The following BEX3 variants were observed in gnomAD, a reference collection of about 807,000 sequenced individuals.
BEX3 encodes brain expressed X-linked 3.
Under a neutral mutation model 6.1 loss-of-function variants are expected in BEX3, and 1 was observed. That is an observed-to-expected ratio of 0.16 (90% CI 0.06 to 0.78). The LOEUF (loss-of-function observed/expected upper bound fraction) is 0.78, where lower values mean the gene tolerates loss of function less well. Among genes scored for constraint, BEX3 ranks in the 30% least tolerant of loss-of-function variants. The pLI is 0.75. For synonymous variants in BEX3, 33 were observed against 25.2 expected, an observed-to-expected ratio of 1.31 and a Z score of -0.93; for missense variants, 49 against 84.7, an observed-to-expected ratio of 0.58 and a Z score of 1.65.
Position 103,378,059 on chromosome X carries a change from C to A in BEX3, c.*232C>A. The A allele has an allele frequency of 2.8e-6, 1 of 351,825 alleles. No individual in the cohort carries two copies. 29.0% of individuals were successfully genotyped at this position (351,825 alleles called of 1,213,427 possible). ...ATGGAAAAATTTAAAGCTAATAAAG[C>A]AATTTAAAAAGCAATCTATACATTT... is the stretch of plus-strand genomic sequence containing the variant. On this transcript the variant is annotated 3_prime_UTR_variant, in exon 3 of 3. Coordinates refer to ENST00000361298, the MANE Select transcript of BEX3 (RefSeq NM_206917.3).
In BEX3 at chrX:103,377,772, T is replaced by C. The variant is rs1262652735; in HGVS notation, c.251T>C (p.Met84Thr). The C allele has an allele frequency of 2.5e-6, 3 of 1,208,981 alleles. No homozygotes were observed. Among genetic ancestry groups the C allele is most frequent in the Non-Finnish European group, 3.4e-6 (3 of 894,686 alleles). The part of the protein sequence containing the change: ...LQLRNCLRIL[M>T]GELSNHHDHH... ...TTGAGGAATTGTCTGCGTATCCTTA[T>C]GGGGGAGCTCTCTAATCACCATGAC... The change falls in exon 3 of 3, where the codon ATG becomes ACG. Residue 84 changes from methionine to threonine, a missense_variant. Coordinates refer to ENST00000361298, the MANE Select transcript of BEX3 (RefSeq NM_206917.3).
Position 103,377,983 on chromosome X carries a change from T to C in BEX3, c.*156T>C. ...GTGTTGCCAGCTTCTATTTGAAGAT[T>C]GCCTTTGCACTCAGTGTAAGTTTCT... On this transcript the variant is annotated 3_prime_UTR_variant, in exon 3 of 3. Transcript: ENST00000361298. 2.2e-6 allele frequency: 1 copy of C among 459,035 alleles called. No homozygotes were observed. Among genetic ancestry groups the C allele is most frequent in the Non-Finnish European group, 3.7e-6 (1 of 267,084 alleles). 37.8% of individuals were successfully genotyped at this position (459,035 alleles called of 1,213,427 possible). A position where few individuals can be genotyped will look rare whatever the true frequency, so the allele number is the denominator to read the frequency against.
In BEX3 at chrX:103,377,521, G is replaced by T. The variant is rs767550953; in HGVS notation, c.-1G>T. ...CAAATATTCACCAGGAAAACGAAGA[G>T]ATGGAGCAGCCTATGCAGAATGGAG... On this transcript the variant is annotated 5_prime_UTR_variant, in exon 3 of 3. Coordinates refer to ENST00000361298, the MANE Select transcript of BEX3 (RefSeq NM_206917.3). 8.3e-7 allele frequency: 1 copy of T among 1,203,385 alleles called. No homozygotes were observed. The highest frequency in any genetic ancestry group is 2.3e-5 in the Admixed American group (1 of 44,094).
intron 2 of BEX3, among the ~76,000 whole-genome samples, 154 bp downstream of exon 2, chrX:103,377,260 T>C (rs1349308029): frequency 9.5e-6 from 1 of 105,061 alleles, no homozygotes. Flanking sequence ...AAACGAAAAA[T>C]GGTGGGTTTG....
Position 103,378,104 on chromosome X carries a change from A to G in BEX3, c.*277A>G, listed in dbSNP as rs1354468583. The G allele has an allele frequency of 6.9e-6, 2 of 288,782 alleles. No homozygotes were observed. The highest frequency in any genetic ancestry group is 1.4e-4 in the South Asian group (1 of 7,146). The allele number at this position is 288,782 out of a possible 1,213,427, so 23.8% of individuals were successfully genotyped here. ...ACATTTATTGTCTCATTAAAAATGT[A>G]TACTTACATATAACAGATGAACTAA... On this transcript the variant is annotated 3_prime_UTR_variant, in exon 3 of 3. Transcript: ENST00000361298.
chrX:103,377,371 A>G (rs1927264350), intron 2 of BEX3, 139 bp from the exon 3 acceptor site: 1 of 859,107 alleles, frequency 1.2e-6, no homozygotes, highest in Admixed American at 3.2e-5. Context: ...ACGAAATTAA[A>G]AAATCCTTTG....
chrX:103,377,355 G>GA, intron 2 of BEX3, 155 bp from the exon 3 acceptor site: 2 of 762,648 alleles, frequency 2.6e-6, no homozygotes, highest in Non-Finnish European at 3.8e-6. Context: ...TCTAAGGTGG[G>GA]AAAAAACGAA....
Sources: gnomAD v4.1 joint callset for allele counts (sites outside exome capture counted in the v4.1 genomes callset) on GRCh38, gnomAD v4.1.1 for gene constraint, MANE v1.5 for transcripts, NCBI Gene and HGNC (gene_info 2026-07-23, HGNC 2026-07-21) for gene names.